The following NRXN3 variants were observed in gnomAD, a reference collection of about 807,000 sequenced individuals.
The protein encoded by NRXN3 is neurexin III.
Under a neutral mutation model 137.6 loss-of-function variants are expected in NRXN3, and 32 were observed. The observed-to-expected ratio is 0.23, with a 90% confidence interval of 0.18 to 0.31. The LOEUF (loss-of-function observed/expected upper bound fraction) is 0.31, where lower values mean the gene tolerates loss of function less well. NRXN3 is among the 10% of genes least tolerant of loss of function. The pLI is 1.00. For missense variants in NRXN3, 1,574 were observed against 2,062.5 expected (o/e 0.76, Z 4.59); for synonymous variants, 798 against 784.5 (o/e 1.02, Z -0.29).
At chr14:79,280,601 G>T (rs1209856952) in intron 15 of NRXN3, 37 of 1,439,322 alleles carry the variant, frequency 2.6e-5, no homozygotes, top group Non-Finnish European at 4.8e-6. Context: ...CACTAGCCTT[G>T]CAGGTAGTGT....
chr14:79,746,577 A>T (rs2098980324), intron 19 of NRXN3, among the ~76,000 whole-genome samples: 3 of 152,102 alleles, frequency 2.0e-5, no homozygotes. Flanking sequence ...CTAACTCATC[A>T]TGTTAGTAGT....
intron 20 of NRXN3, among the ~76,000 whole-genome samples, chr14:79,852,832 CT>C (rs1273587996): frequency 6.6e-6 from 1 of 151,200 alleles, no homozygotes; most frequent in African/African-American, 2.4e-5. Flanking sequence ...TTTCTCCCTT[CT>C]TGTTTGGGAA....
chr14:79,275,812 A>T (rs547604290), intron 15 of NRXN3, among the ~76,000 whole-genome samples: 3 of 152,226 alleles, frequency 2.0e-5, no homozygotes, highest in Admixed American at 6.5e-5. Flanking sequence ...GGGGTTTTTT[A>T]AAATTGTATT....
chr14:78,311,298 A>G (rs1328312845), intron 4 of NRXN3, among the ~76,000 whole-genome samples: 1 of 152,170 alleles, frequency 6.6e-6, no homozygotes, highest in Non-Finnish European at 1.5e-5. Flanking sequence ...TTGATGAGTT[A>G]AGTAACTTCT....
At position 79,082,265 on chromosome 14, in the gene NRXN3, C is replaced by A. The variant is rs192626277; in HGVS notation, c.3262+94124C>A. Among the ~76,000 whole-genome samples the A allele has an allele frequency of 1.8e-3, 281 of 152,136 alleles. 3 individuals are homozygous for A. Among genetic ancestry groups the A allele is most frequent in the African/African-American group, 5.9e-3 (243 of 41,504 alleles). Reference sequence around the variant, plus strand: ...ATTTATTTGACAGAGCACCCCTAAACCTTTTATATACACACCTCATCAGAT... The same window carrying A: ...ATTTATTTGACAGAGCACCCCTAAAACTTTTATATACACACCTCATCAGAT... On this transcript the variant is annotated intron_variant, in intron 15 of 20. Coordinates refer to ENST00000335750, the MANE Select transcript of NRXN3 (RefSeq NM_001330195.2).
At chr14:79,788,170 A>G (rs571536125) in intron 19 of NRXN3, among the ~76,000 whole-genome samples, 1 of 152,236 alleles carries the variant, frequency 6.6e-6, no homozygotes, top group African/African-American at 2.4e-5. Flanking sequence ...TTATAAAACC[A>G]TCCGATCTCA....
chr14:79,737,381 C>A (rs972139667), intron 19 of NRXN3, among the ~76,000 whole-genome samples: 1 of 152,176 alleles, frequency 6.6e-6, no homozygotes, highest in Non-Finnish European at 1.5e-5. Flanking sequence ...ATTTGACAAA[C>A]CTAATTAATG....
chr14:79,829,611 T>C (rs967342842), intron 20 of NRXN3, among the ~76,000 whole-genome samples: 6 of 152,226 alleles, frequency 3.9e-5, no homozygotes, highest in African/African-American at 1.4e-4. Flanking sequence ...GCATGATCAA[T>C]GTGTGCACTG....
chr14:79,742,838 G>A (rs1252279790), intron 19 of NRXN3, among the ~76,000 whole-genome samples: 1 of 152,174 alleles, frequency 6.6e-6, no homozygotes, highest in East Asian at 1.9e-4. Flanking sequence ...TCTAGGATAA[G>A]GGAGAAGGAA....
At chr14:78,679,874 G>A (rs79578963) in intron 6 of NRXN3, among the ~76,000 whole-genome samples, 3,256 of 152,140 alleles carry the variant, frequency 0.021, 130 homozygotes, top group African/African-American at 0.075. Flanking sequence ...GTTCAAATCC[G>A]TTGTCTAGTT....
chr14:78,816,145 A>T (rs1439248157), intron 10 of NRXN3, among the ~76,000 whole-genome samples: 1 of 152,182 alleles, frequency 6.6e-6, no homozygotes. Context: ...GATGCTTCCT[A>T]AATATATAAT....
chr14:78,409,540 A>G (rs753154372), intron 4 of NRXN3, among the ~76,000 whole-genome samples: 9 of 152,194 alleles, frequency 5.9e-5, no homozygotes, highest in Non-Finnish European at 1.3e-4. Context: ...CAATTTAGCT[A>G]TTTCTATGAA....
chr14:79,523,322 G>C (rs888307732), intron 16 of NRXN3, among the ~76,000 whole-genome samples: 1 of 152,148 alleles, frequency 6.6e-6, no homozygotes, highest in African/African-American at 2.4e-5. Flanking sequence ...GATGAGAGCT[G>C]TTACCTAAAG....
At chr14:79,615,118 C>T (rs1047871718) in intron 16 of NRXN3, among the ~76,000 whole-genome samples, 1 of 152,128 alleles carries the variant, frequency 6.6e-6, no homozygotes, top group Non-Finnish European at 1.5e-5. Flanking sequence ...GAGATTAGCC[C>T]TTAGTGACAG....
intron 19 of NRXN3, among the ~76,000 whole-genome samples, chr14:79,796,387 A>G (rs1603516351): frequency 6.6e-6 from 1 of 151,614 alleles, no homozygotes; most frequent in South Asian, 2.1e-4. Context: ...GTGGTTCAAT[A>G]CTCCTCTTCC....
chr14:79,032,538 T>A (rs1568053046), intron 15 of NRXN3, among the ~76,000 whole-genome samples: 1 of 151,076 alleles, frequency 6.6e-6, no homozygotes, highest in East Asian at 1.9e-4. Flanking sequence ...GAGAGGAAAC[T>A]GACATCTGTC....
chr14:79,301,286 G>A (rs1453588039), intron 15 of NRXN3, among the ~76,000 whole-genome samples: 2 of 152,050 alleles, frequency 1.3e-5, no homozygotes, highest in African/African-American at 2.4e-5. Flanking sequence ...TGCCCTGGCA[G>A]CTTTTTTGTT....
chr14:78,332,986 T>A (rs1350176930), intron 4 of NRXN3, among the ~76,000 whole-genome samples: 1 of 152,230 alleles, frequency 6.6e-6, no homozygotes, highest in African/African-American at 2.4e-5. Context: ...TTACAGTTAC[T>A]GTGCCAGTGG....
intron 15 of NRXN3, among the ~76,000 whole-genome samples, chr14:79,238,418 G>A (rs1351789862): frequency 1.3e-5 from 2 of 152,080 alleles, no homozygotes; most frequent in Non-Finnish European, 2.9e-5. Flanking sequence ...CACTTGAGGA[G>A]TGAAACTTGC....
Sources: allele counts gnomAD v4.1 joint callset (sites outside exome capture counted in the v4.1 genomes callset), GRCh38; gene constraint gnomAD v4.1.1; transcripts MANE v1.5; gene names NCBI Gene and HGNC (gene_info 2026-07-23, HGNC 2026-07-21).